The following SGCD variants were observed in gnomAD, a reference collection of about 807,000 sequenced individuals.
SGCD encodes the protein sarcoglycan delta.
Under a neutral mutation model 36.6 loss-of-function variants are expected in SGCD, and 18 were observed. That is an observed-to-expected ratio of 0.49 (90% CI 0.34 to 0.73). The LOEUF is 0.73. Ranked by LOEUF, SGCD falls within the 30% of genes least tolerant of loss-of-function variation. The probability of loss-of-function intolerance (pLI) is 0.01; values close to 1 mark genes in which losing one functional copy is unlikely to be tolerated. For synonymous variants in SGCD, 133 were observed against 130.6 expected (o/e 1.02, Z -0.12); for missense variants, 387 against 346.7 (o/e 1.12, Z -0.92).
chr5:156,293,067 G>GTT (rs377316004), intron 3 of SGCD, among the ~76,000 whole-genome samples: 2 of 150,182 alleles, frequency 1.3e-5, no homozygotes, highest in East Asian at 3.9e-4. Flanking sequence ...TTTCTTTTCT[G>GTT]TTTTTTTTTA....
chr5:156,421,825 T>G (rs1183329681), intron 3 of SGCD, among the ~76,000 whole-genome samples: 4 of 152,064 alleles, frequency 2.6e-5, no homozygotes, highest in Admixed American at 2.0e-4. Context: ...ATGCTCTGGT[T>G]TAGGGATAAG....
chr5:156,630,644 C>T (rs1268866759), intron 6 of SGCD, among the ~76,000 whole-genome samples: 1 of 152,168 alleles, frequency 6.6e-6, no homozygotes, highest in African/African-American at 2.4e-5. Context: ...CTGGTTCCTT[C>T]TATTAATAGA....
intron 3 of SGCD, among the ~76,000 whole-genome samples, chr5:156,185,873 A>AGAGAGAGG (rs1200633926): frequency 6.4e-5 from 8 of 124,740 alleles, no homozygotes; most frequent in Middle Eastern, 3.8e-3. Flanking sequence ...AGAGAGAGAG[A>AGAGAGAGG]GAGAGAGAGA....
chr5:156,043,956 T>C (rs923863235), intron 1 of SGCD, among the ~76,000 whole-genome samples: 6 of 152,124 alleles, frequency 3.9e-5, no homozygotes, highest in African/African-American at 1.4e-4. Flanking sequence ...CGAGAATTTT[T>C]TTAAAAGACT....
chr5:155,822,185 G>T, the SGCD span, among the ~76,000 whole-genome samples: 2,089 of 152,272 alleles, frequency 0.014, 57 homozygotes, highest in African/African-American at 0.048. Context: ...AAATTCTAGA[G>T]TCAGCTCCTA....
rs1004620093 is a variant in SGCD, at chr5:156,049,969, A to G, written c.-281-67909A>G. On this transcript the variant is annotated intron_variant, in intron 1 of 9. Transcript: ENST00000517913. ...AGGATTTGCCTCTTTTGAATGGGCA[A>G]AGAAAGTGATTTCTTCAGATGGAGT... 1.0e-4 allele frequency among the ~76,000 whole-genome samples: 15 copies of G among 146,912 alleles called. 1 individual carries two copies. Among genetic ancestry groups the G allele is most frequent in the African/African-American group, 2.9e-4 (12 of 40,810 alleles).
intron 7 of SGCD, among the ~76,000 whole-genome samples, chr5:156,693,675 C>T (rs1381185577): frequency 6.6e-6 from 1 of 152,126 alleles, no homozygotes; most frequent in Non-Finnish European, 1.5e-5. Flanking sequence ...TGTCTGGTTG[C>T]TCCTGAGCTA....
At chr5:156,691,752 AC>A (rs1754118827) in intron 7 of SGCD, among the ~76,000 whole-genome samples, 1 of 152,198 alleles carries the variant, frequency 6.6e-6, no homozygotes, top group Non-Finnish European at 1.5e-5. Flanking sequence ...TAGTTTACCA[AC>A]CCCTAGATTG....
chr5:156,607,654 G>T (rs1297554631), intron 6 of SGCD, among the ~76,000 whole-genome samples: 2 of 152,032 alleles, frequency 1.3e-5, no homozygotes, highest in African/African-American at 4.8e-5. Context: ...TGGTAGAATT[G>T]GGCTGTGAAT....
chr5:156,361,779 A>T (rs1769806496), intron 3 of SGCD, among the ~76,000 whole-genome samples: 2 of 152,226 alleles, frequency 1.3e-5, no homozygotes, highest in South Asian at 4.1e-4. Flanking sequence ...ACTCTGTGAA[A>T]CACAGTAAAC....
the SGCD span, among the ~76,000 whole-genome samples, chr5:155,844,115 G>GAAA: frequency 4.0e-5 from 6 of 150,286 alleles, no homozygotes; most frequent in East Asian, 2.0e-4. Context: ...TTCAAAAGGG[G>GAAA]AAAAAAAAAC....
At chr5:156,068,584 T>G (rs145210901) in intron 1 of SGCD, among the ~76,000 whole-genome samples, 21,268 of 151,568 alleles carry the variant, frequency 0.14, 1,746 homozygotes, top group Non-Finnish European at 0.19. Context: ...AGTATACATA[T>G]GTGTGCATGT....
the SGCD span, among the ~76,000 whole-genome samples, chr5:155,850,819 A>C: frequency 2.0e-5 from 3 of 152,206 alleles, no homozygotes; most frequent in Non-Finnish European, 4.4e-5. Flanking sequence ...AGATACAAAG[A>C]TGCATGAGAC....
At chr5:156,601,670 T>C (rs989460519) in intron 6 of SGCD, among the ~76,000 whole-genome samples, 16 of 151,942 alleles carry the variant, frequency 1.1e-4, no homozygotes, top group Non-Finnish European at 2.1e-4. Flanking sequence ...AATAATGTCA[T>C]TGGGTTTTTT....
chr5:156,224,917 AGT>A (rs1334750588), intron 3 of SGCD, among the ~76,000 whole-genome samples: 1 of 152,136 alleles, frequency 6.6e-6, no homozygotes, highest in African/African-American at 2.4e-5. Flanking sequence ...CTCAGTTTAG[AGT>A]TTTAAGAACT....
intron 3 of SGCD, among the ~76,000 whole-genome samples, chr5:156,277,891 T>C (rs1455859892): frequency 6.6e-6 from 1 of 152,208 alleles, no homozygotes; most frequent in East Asian, 1.9e-4. Flanking sequence ...ACAAGACATA[T>C]GGTCCCTGAT....
chr5:156,481,263 G>A (rs1243249715), intron 3 of SGCD, among the ~76,000 whole-genome samples: 2 of 152,132 alleles, frequency 1.3e-5, no homozygotes, highest in African/African-American at 4.8e-5. Flanking sequence ...AAAAGGCCCT[G>A]GGGAAAGTTG....
At chr5:156,192,657 G>A (rs13436054) in intron 3 of SGCD, among the ~76,000 whole-genome samples, 2,741 of 151,882 alleles carry the variant, frequency 0.018, 60 homozygotes, top group African/African-American at 0.054. Context: ...TAAATTCTCA[G>A]GGTGATGGTG....
chr5:156,609,217 G>A (rs180902225), intron 6 of SGCD, among the ~76,000 whole-genome samples: 10 of 152,086 alleles, frequency 6.6e-5, no homozygotes, highest in East Asian at 1.9e-4. Context: ...GCTTCCTTCC[G>A]GAGCTGTTTT....
Sources: gnomAD v4.1 joint callset for allele counts (sites outside exome capture counted in the v4.1 genomes callset) on GRCh38, gnomAD v4.1.1 for gene constraint, MANE v1.5 for transcripts, NCBI Gene and HGNC (gene_info 2026-07-23, HGNC 2026-07-21) for gene names.